The following TENM2 variants were observed in gnomAD, a reference collection of about 807,000 sequenced individuals.
TENM2 encodes the protein teneurin-2.
In TENM2, 52 loss-of-function variants were observed where a neutral mutation model predicts 245.2. That is an observed-to-expected ratio of 0.21 (90% CI 0.17 to 0.27). The LOEUF (loss-of-function observed/expected upper bound fraction) is 0.27. Ranked by LOEUF, TENM2 falls within the 10% of genes least tolerant of loss-of-function variation. The probability of loss-of-function intolerance (pLI) is 1.00; values close to 1 mark genes in which losing one functional copy is unlikely to be tolerated. For synonymous variants in TENM2, 1,363 were observed against 1,438.9 expected (o/e 0.95, Z 1.19); for missense variants, 3,046 against 3,666.8 (o/e 0.83, Z 4.37).
At chr5:168,194,968 A>T (rs1303544338) in intron 14 of TENM2, among the ~76,000 whole-genome samples, 1 of 151,944 alleles carries the variant, frequency 6.6e-6, no homozygotes, top group Non-Finnish European at 1.5e-5. Flanking sequence ...TGCCCAGGAG[A>T]CCCCTGGGCC....
chr5:167,344,323 T>TAG (rs1444624514), intron 1 of TENM2, among the ~76,000 whole-genome samples: 14 of 123,644 alleles, frequency 1.1e-4, no homozygotes, highest in East Asian at 4.2e-4. Context: ...TATATATATA[T>TAG]ATATATAGAT....
At chr5:168,249,455 T>C (rs1355862394) in intron 27 of TENM2, among the ~76,000 whole-genome samples, 1 of 46,868 alleles carries the variant, frequency 2.1e-5, no homozygotes, top group Non-Finnish European at 8.1e-5. Context: ...TCTCTCAAGG[T>C]GTGTGTGTGT....
At chr5:168,013,179 C>G (rs1452415510) in intron 5 of TENM2, among the ~76,000 whole-genome samples, 5 of 152,178 alleles carry the variant, frequency 3.3e-5, no homozygotes, top group Non-Finnish European at 7.3e-5. Flanking sequence ...TGTTATATGT[C>G]TATCCCTTGT....
intron 13 of TENM2, chr5:168,165,109 G>C (rs1758100751): frequency 6.6e-6 from 1 of 152,138 alleles, no homozygotes; most frequent in African/African-American, 2.4e-5. Context: ...ACACTGATAG[G>C]AGTACACAAT....
chr5:167,597,738 T>G (rs1170100807), intron 2 of TENM2, among the ~76,000 whole-genome samples: 1 of 105,458 alleles, frequency 9.5e-6, no homozygotes, highest in Non-Finnish European at 2.6e-5. Flanking sequence ...CTATCTTACT[T>G]TCAAACTTAT....
At chr5:167,325,865 A>T (rs1260215988) in intron 1 of TENM2, among the ~76,000 whole-genome samples, 1 of 152,218 alleles carries the variant, frequency 6.6e-6, no homozygotes, top group Non-Finnish European at 1.5e-5. Flanking sequence ...TCAACCATGA[A>T]CTTGTAAATT....
intron 4 of TENM2, among the ~76,000 whole-genome samples, chr5:167,966,629 T>G (rs908793999): frequency 1.3e-5 from 2 of 152,188 alleles, no homozygotes; most frequent in Non-Finnish European, 2.9e-5. Context: ...AGAAACAAGA[T>G]TGTTGAAACA....
At chr5:167,268,302 A>C in the TENM2 span, among the ~76,000 whole-genome samples, 1 of 152,328 alleles carries the variant, frequency 6.6e-6, no homozygotes, top group South Asian at 2.1e-4. Flanking sequence ...GAAAGGTCAG[A>C]TTTCAAACTA....
intron 2 of TENM2, among the ~76,000 whole-genome samples, chr5:167,659,803 T>A (rs1013175978): frequency 1.3e-5 from 2 of 152,182 alleles, no homozygotes; most frequent in Non-Finnish European, 2.9e-5. Context: ...CCTCTACTCA[T>A]ACAAAAAGCA....
chr5:167,186,702 C>T, the TENM2 span, among the ~76,000 whole-genome samples: 2 of 152,176 alleles, frequency 1.3e-5, no homozygotes, highest in Admixed American at 6.6e-5. Context: ...GAGAAATAAC[C>T]GGAATAAAAA....
At chr5:167,178,964 C>T in the TENM2 span, among the ~76,000 whole-genome samples, 1 of 152,140 alleles carries the variant, frequency 6.6e-6, no homozygotes. Flanking sequence ...TCATTTCAGA[C>T]TTTATGAACA....
At chr5:168,101,933 T>C (rs1793846711) in intron 9 of TENM2, among the ~76,000 whole-genome samples, 1 of 152,212 alleles carries the variant, frequency 6.6e-6, no homozygotes, top group Non-Finnish European at 1.5e-5. Context: ...TCTTTCCCAG[T>C]CTTTGATCTT....
the TENM2 span, among the ~76,000 whole-genome samples, chr5:167,252,777 A>C: frequency 6.6e-6 from 1 of 152,070 alleles, no homozygotes; most frequent in Non-Finnish European, 1.5e-5. Flanking sequence ...TACACCATTA[A>C]CACAATGTGA....
intron 2 of TENM2, among the ~76,000 whole-genome samples, chr5:167,576,392 G>A (rs1399408071): frequency 1.3e-5 from 2 of 150,048 alleles, no homozygotes; most frequent in African/African-American, 2.5e-5. Context: ...CAAGAAAAAA[G>A]ATTCTTCTCC....
At chr5:167,090,394 TC>T in the TENM2 span, among the ~76,000 whole-genome samples, 1 of 152,158 alleles carries the variant, frequency 6.6e-6, no homozygotes, top group Non-Finnish European at 1.5e-5. Flanking sequence ...AAAGGCAATT[TC>T]TATGAATTGG....
the TENM2 span, among the ~76,000 whole-genome samples, chr5:167,000,229 A>G: frequency 1.3e-5 from 2 of 152,198 alleles, no homozygotes; most frequent in East Asian, 3.8e-4. Context: ...TATCTAGAGA[A>G]AAATTGGGAG....
chr5:168,205,176 T>G (rs1294702889), intron 19 of TENM2, among the ~76,000 whole-genome samples: 1 of 152,190 alleles, frequency 6.6e-6, no homozygotes, highest in Non-Finnish European at 1.5e-5. Context: ...GACATGCTCT[T>G]GCCAGGAAAG....
At chr5:168,124,125 TTGAC>T (rs963815593) in intron 10 of TENM2, among the ~76,000 whole-genome samples, 6 of 152,228 alleles carry the variant, frequency 3.9e-5, no homozygotes, top group African/African-American at 1.4e-4. Flanking sequence ...GCTCATCTGA[TTGAC>T]TGGTAGAAGG....
At chr5:167,184,392 C>A in the TENM2 span, among the ~76,000 whole-genome samples, 6 of 152,096 alleles carry the variant, frequency 3.9e-5, no homozygotes, top group Admixed American at 6.5e-5. Context: ...TAGGAAAGTA[C>A]AAGAAATACT....
Sources: gnomAD v4.1 joint callset for allele counts (sites outside exome capture counted in the v4.1 genomes callset) on GRCh38, gnomAD v4.1.1 for gene constraint, MANE v1.5 for transcripts, NCBI Gene and HGNC (gene_info 2026-07-23, HGNC 2026-07-21) for gene names.